TBPL2: variants seen among roughly 807,000 people sequenced by gnomAD.
TBPL2 encodes TATA box-binding protein-like 2.
In TBPL2, 40 loss-of-function variants were observed where a neutral mutation model predicts 38.2. The observed-to-expected ratio is 1.05, with a 90% CI of 0.81 to 1.36. TBPL2 has a LOEUF of 1.36. Among genes scored for constraint, TBPL2 ranks in the 40% most tolerant of loss-of-function variants. The probability of loss-of-function intolerance (pLI) is 0.00; values close to 1 mark genes in which losing one functional copy is unlikely to be tolerated. For synonymous variants in TBPL2, 169 were observed against 171.7 expected, an observed-to-expected ratio of 0.98 and a Z score of 0.12; for missense variants, 461 against 456.7, an observed-to-expected ratio of 1.01 and a Z score of -0.09.
Position 55,428,960 on chromosome 14 carries a change from CGA to C in TBPL2, c.801_802del (p.Arg268ThrfsTer23). ...ACGAGCATATTTTCTTGCTGCAAGT[CGA>C]GACTGCTCTTCACTGGGGAGGGGCA... On this transcript the variant is annotated frameshift_variant, in exon 5 of 7. Coordinates refer to ENST00000247219, the Ensembl canonical transcript of TBPL2. LOFTEE classifies it high-confidence loss of function. 1 of 1,614,038 alleles carries C rather than the reference CGA, an allele frequency of 6.2e-7. No homozygotes were observed. Among genetic ancestry groups the C allele is most frequent in the African/African-American group, 1.3e-5 (1 of 75,026 alleles).
At chr14:55,415,679 A>G (rs1885657677) in intron 6 of TBPL2, among the ~76,000 whole-genome samples, 1 of 152,112 alleles carries the variant, frequency 6.6e-6, no homozygotes, top group African/African-American at 2.4e-5. Context: ...AGCCTGGCCA[A>G]CACGGCGAAA....
intron 5 of TBPL2, among the ~76,000 whole-genome samples, chr14:55,427,654 G>A (rs1219620260): frequency 6.6e-6 from 1 of 152,118 alleles, no homozygotes; most frequent in Non-Finnish European, 1.5e-5. Flanking sequence ...TGGTGTCCAT[G>A]AGTCACCCTC....
intron 5 of TBPL2, 83 bp from the exon 6 acceptor site, chr14:55,424,336 T>TGCATATTAAAGC: frequency 1.2e-6 from 1 of 835,394 alleles, no homozygotes; most frequent in Non-Finnish European, 1.9e-6. Flanking sequence ...TATATTAAAG[T>TGCATATTAAAGC]GCATATTAAA....
chr14:55,440,320 G>C (rs992461184), intron 1 of TBPL2, 76 bp downstream of exon 1: 2 of 1,558,298 alleles, frequency 1.3e-6, no homozygotes, highest in East Asian at 4.5e-5. Flanking sequence ...GTTTTAAGAG[G>C]AACGAAGGCA....
chr14:55,430,398 TAAAAAAAAAA>T lies in TBPL2; in HGVS notation c.789-1434_789-1425del, dbSNP rs370880582. 2.0e-3 allele frequency among the ~76,000 whole-genome samples: 234 copies of T among 119,806 alleles called. 2 individuals carry two copies. The highest frequency in any genetic ancestry group is 7.3e-3 in the African/African-American group (229 of 31,560). The allele number at this position is 119,806 out of a possible 152,430, so 78.6% of individuals were successfully genotyped here. ...TAATGTTGATTCTCCTCACCCACTT[TAAAAAAAAAA>T]AAAAAAAAAAAAAAAGAGATTGGGT... On this transcript the variant is annotated intron_variant, in intron 4 of 6. Transcript: ENST00000247219.
intron 4 of TBPL2, among the ~76,000 whole-genome samples, chr14:55,430,260 A>G (rs1225081615): frequency 1.3e-5 from 2 of 152,132 alleles, no homozygotes; most frequent in Non-Finnish European, 2.9e-5. Context: ...AAGAAAAGCC[A>G]GTTTGAACTT....
intron 4 of TBPL2, among the ~76,000 whole-genome samples, chr14:55,432,442 A>AACAAAAAAAACC (rs1555344430): frequency 6.7e-6 from 1 of 149,082 alleles, no homozygotes; most frequent in African/African-American, 2.5e-5. Flanking sequence ...ATAAACAAAC[A>AACAAAAAAAACC]ACAAAAAAAA....
At chr14:55,427,880 CTT>C (rs551473740) in intron 5 of TBPL2, among the ~76,000 whole-genome samples, 41 of 130,864 alleles carry the variant, frequency 3.1e-4, no homozygotes, top group African/African-American at 7.5e-4. Flanking sequence ...GTTAGGATTG[CTT>C]TTTTTTTTTT....
intron 4 of TBPL2, among the ~76,000 whole-genome samples, chr14:55,431,802 T>C (rs988692551): frequency 6.6e-6 from 1 of 152,228 alleles, no homozygotes; most frequent in Non-Finnish European, 1.5e-5. Flanking sequence ...GTCCAATTAA[T>C]ATAAATTCAG....
intron 5 of TBPL2, among the ~76,000 whole-genome samples, chr14:55,428,515 G>A (rs959318191): frequency 9.9e-5 from 15 of 151,994 alleles, no homozygotes; most frequent in African/African-American, 3.6e-4. Context: ...GAGCTTTTTA[G>A]AAACACAAAT....
intron 6 of TBPL2, among the ~76,000 whole-genome samples, chr14:55,418,918 T>C (rs1053185021): frequency 1.3e-5 from 2 of 152,204 alleles, no homozygotes; most frequent in African/African-American, 4.8e-5. Flanking sequence ...GATTCTATGG[T>C]CACTTGCATT....
intron 1 of TBPL2, 35 bp downstream of exon 1, chr14:55,440,361 G>A (rs763901420): frequency 3.0e-5 from 49 of 1,612,176 alleles, no homozygotes; most frequent in Non-Finnish European, 4.2e-5. Context: ...GGCGGGACTT[G>A]GGTCCTGACT....
exon 2 of TBPL2, chr14:55,436,767 C>T (rs746858721): frequency 6.8e-6 from 11 of 1,614,206 alleles, no homozygotes; most frequent in Non-Finnish European, 9.3e-6. Flanking sequence ...TGGGTGATGG[C>T]AACCTACTTT....
At chr14:55,429,515 G>A (rs1473503279) in intron 4 of TBPL2, among the ~76,000 whole-genome samples, 2 of 152,146 alleles carry the variant, frequency 1.3e-5, no homozygotes, top group African/African-American at 4.8e-5. Context: ...TGTAATCCCA[G>A]CACTTTGGGA....
intron 3 of TBPL2, 88 bp from the exon 4 acceptor site, chr14:55,433,809 A>G (rs1885972546): frequency 2.5e-6 from 3 of 1,188,722 alleles, no homozygotes; most frequent in East Asian, 2.4e-5. Flanking sequence ...TGAAAATCTC[A>G]AACAGATTGG....
intron 4 of TBPL2, among the ~76,000 whole-genome samples, chr14:55,430,276 C>A (rs371080095): frequency 1.3e-5 from 2 of 152,102 alleles, no homozygotes; most frequent in African/African-American, 4.8e-5. Flanking sequence ...AACTTGTTTG[C>A]CTGGACTAAA....
intron 6 of TBPL2, among the ~76,000 whole-genome samples, chr14:55,414,946 GATT>G (rs1885646777): frequency 6.6e-6 from 1 of 152,106 alleles, no homozygotes; most frequent in African/African-American, 2.4e-5. Flanking sequence ...CATGGGAAGG[GATT>G]ATTAGAGGGG....
chr14:55,437,089 A>T, intron 1 of TBPL2, 71 bp from the exon 2 acceptor site: 1 of 1,363,368 alleles, frequency 7.3e-7, no homozygotes, highest in Non-Finnish European at 1.0e-6. Flanking sequence ...AAGGGATGTC[A>T]CTATGGCAGG....
intron 6 of TBPL2, among the ~76,000 whole-genome samples, 195 bp from the exon 7 acceptor site, chr14:55,414,650 C>G (rs1885642805): frequency 6.6e-6 from 1 of 152,140 alleles, no homozygotes; most frequent in South Asian, 2.1e-4. Flanking sequence ...AACCTTAGAG[C>G]AGAGTTTTCT....
Sources: allele counts gnomAD v4.1 joint callset (sites outside exome capture counted in the v4.1 genomes callset), GRCh38; gene constraint gnomAD v4.1.1; transcripts MANE v1.5; gene names NCBI Gene and HGNC (gene_info 2026-07-23, HGNC 2026-07-21).